CDC40: variants seen among roughly 807,000 people sequenced by gnomAD.
CDC40 encodes the protein cell division cycle 40, also known as pre-mRNA-processing factor 17.
CDC40 carries 27 observed loss-of-function variants against 80.6 expected under a neutral mutation model. The ratio of observed to expected loss-of-function variants is 0.33; its 90% CI spans 0.25 to 0.46. CDC40 has a LOEUF of 0.46. Among genes scored for constraint, CDC40 ranks in the 20% least tolerant of loss-of-function variants. CDC40 has a pLI of 1.00. For synonymous variants in CDC40, 221 were observed against 232.6 expected (o/e 0.95, Z 0.45); for missense variants, 486 against 694.1 (o/e 0.70, Z 3.37).
chr6:110,215,104 T>C (rs990582396), intron 8 of CDC40, among the ~76,000 whole-genome samples, 182 bp from the exon 9 acceptor site: 2 of 152,212 alleles, frequency 1.3e-5, no homozygotes, highest in African/African-American at 4.8e-5. Context: ...CCAAATAATA[T>C]AACACAAACT....
rs758834565 is a variant in CDC40, at chr6:110,180,427, A to C, written c.-18A>C. 5 of 1,613,742 alleles carry C rather than the reference A, an allele frequency of 3.1e-6. No homozygotes were observed. The highest frequency in any genetic ancestry group is 4.2e-6 in the Non-Finnish European group (5 of 1,179,874). Reference sequence around the variant, plus strand: ...TCTTCCGCCCTGGCAGGGTCTCCGCAGAAGATTTGTTGCCGTCATGTCGGC... The same window carrying C: ...TCTTCCGCCCTGGCAGGGTCTCCGCCGAAGATTTGTTGCCGTCATGTCGGC... On this transcript the variant is annotated 5_prime_UTR_variant, in exon 1 of 15. Transcript: ENST00000307731.
chr6:110,226,084 C>A, intron 12 of CDC40, 83 bp from the exon 13 acceptor site: 1 of 723,880 alleles, frequency 1.4e-6, no homozygotes, highest in Non-Finnish European at 2.4e-6. Context: ...CTTTTATTTG[C>A]ATATTATTCC....
In CDC40 at chr6:110,216,090, TTAGA is replaced by T. The variant is rs1166373351; in HGVS notation, c.988+763_988+766del. Among the ~76,000 whole-genome samples, 3 of 152,028 alleles carry T rather than the reference TTAGA, an allele frequency of 2.0e-5. No homozygotes were observed. The East Asian group carries it at 5.8e-4, about 29-fold the overall frequency. ...TGAGGTAAAAATGTTCAGTAAGCAA[TTAGA>T]TAGCCAGAGGTCGAGCTTTGAAGAG... On this transcript the variant is annotated intron_variant, in intron 9 of 14. Coordinates refer to ENST00000307731, the MANE Select transcript of CDC40 (RefSeq NM_015891.3).
chr6:110,229,249 T>C (rs1177672676), intron 14 of CDC40, among the ~76,000 whole-genome samples: 2 of 152,192 alleles, frequency 1.3e-5, no homozygotes, highest in African/African-American at 2.4e-5. Flanking sequence ...ATATAACCAA[T>C]GCCTTATTTT....
At chr6:110,193,595 C>T (rs543861413) in intron 2 of CDC40, among the ~76,000 whole-genome samples, 65 of 151,880 alleles carry the variant, frequency 4.3e-4, no homozygotes, top group Non-Finnish European at 7.8e-4. Context: ...TTAGTAGAGA[C>T]GGGGTTTCAC....
intron 2 of CDC40, 98 bp downstream of exon 2, chr6:110,193,366 A>T (rs1777376577): frequency 1.4e-6 from 1 of 707,222 alleles, no homozygotes; most frequent in Admixed American, 2.4e-5. Flanking sequence ...TTTATCACAT[A>T]AGCATACTAT....
At chr6:110,213,694 G>A (rs1646249943) in intron 8 of CDC40, among the ~76,000 whole-genome samples, 1 of 152,120 alleles carries the variant, frequency 6.6e-6, no homozygotes, top group South Asian at 2.1e-4. Flanking sequence ...AAATAGAGAG[G>A]ACATAGGTTA....
chr6:110,187,749 C>T (rs951286716), intron 1 of CDC40, among the ~76,000 whole-genome samples: 1 of 152,168 alleles, frequency 6.6e-6, no homozygotes, highest in Non-Finnish European at 1.5e-5. Flanking sequence ...GAATATTACC[C>T]AGTTTTATTC....
intron 2 of CDC40, among the ~76,000 whole-genome samples, chr6:110,198,781 T>G (rs994562745): frequency 2.6e-5 from 4 of 152,232 alleles, no homozygotes; most frequent in African/African-American, 9.6e-5. Context: ...TTTACTTATA[T>G]CTTGTTATAA....
In CDC40 at chr6:110,180,586, C is replaced by T. The variant is rs1777166873; in HGVS notation, c.142C>T (p.Pro48Ser). 1.2e-6 allele frequency: 2 copies of T among 1,614,222 alleles called. No homozygotes were observed. Among genetic ancestry groups the T allele is most frequent in the Non-Finnish European group, 1.7e-6 (2 of 1,180,026 alleles). ...MHLTKSPSSK[P>S]SLAVAVDSAP... Reference sequence around the variant, plus strand: ...CTTGACTAAATCGCCTTCATCAAAGCCGTCTCTAGCAGTGGCAGTGGACTC... The same window carrying T: ...CTTGACTAAATCGCCTTCATCAAAGTCGTCTCTAGCAGTGGCAGTGGACTC... Residue 48 changes from proline (P) to serine (S), a missense_variant, in exon 1 of 15, where the codon CCG (proline) becomes TCG (serine). Transcript: ENST00000307731.
intron 1 of CDC40, among the ~76,000 whole-genome samples, chr6:110,189,201 G>T (rs1451243075): frequency 2.0e-5 from 3 of 152,158 alleles, no homozygotes; most frequent in Non-Finnish European, 4.4e-5. Context: ...ATGAAATAGT[G>T]TGTCTGCTCT....
At chr6:110,186,434 GAAT>G (rs1777271339) in intron 1 of CDC40, among the ~76,000 whole-genome samples, 1 of 151,982 alleles carries the variant, frequency 6.6e-6, no homozygotes, top group South Asian at 2.1e-4. Context: ...CAGTGAGCCA[GAAT>G]CACGCCACTG....
In CDC40 at chr6:110,230,012, A is replaced by G. The variant is rs1324162969; in HGVS notation, c.1621A>G (p.Lys541Glu). The change falls in exon 15 of 15, where the codon AAA becomes GAA. Residue 541 changes from lysine (K) to glutamate (E), a missense_variant. By Grantham distance (56) the Lys-to-Glu change is moderately conservative. Around this residue, in one of 3 missense-constraint regions of CDC40, gnomAD observed 88 missense variants for 138.7 expected, o/e 0.63. Coordinates refer to ENST00000307731, the MANE Select transcript of CDC40 (RefSeq NM_015891.3). ...KLNIWDWKTTKLYSRFKAHDK... is the reference protein window; with the variant it reads ...KLNIWDWKTTELYSRFKAHDK... The stretch of plus-strand genomic sequence containing the variant: ...AAACATTTGGGACTGGAAGACCACA[A>G]AACTCTACAGTCGATTTAAAGCTCA... 4 of 1,612,654 alleles carry G rather than the reference A, an allele frequency of 2.5e-6. No homozygotes were observed. The highest frequency in any genetic ancestry group is 1.3e-5 in the African/African-American group (1 of 75,012).
At position 110,229,969 on chromosome 6, in the gene CDC40, A is replaced by C. The variant is rs1393371653; in HGVS notation, c.1578A>C (p.Gly526=). The change falls in exon 15 of 15, where the codon GGA becomes GGC. Residue 526 remains glycine (G), a synonymous_variant. Transcript: ENST00000307731. ...FSPDMSYVIS[G]DGNGKLNIWD... Reference sequence around the variant, plus strand: ...CCCATTATAGTTATGTGATTTCAGGAGATGGAAATGGAAAATTAAACATTT... The same window carrying C: ...CCCATTATAGTTATGTGATTTCAGGCGATGGAAATGGAAAATTAAACATTT... 4 of 1,603,798 alleles carry C rather than the reference A, an allele frequency of 2.5e-6. No homozygotes were observed. Among genetic ancestry groups the C allele is most frequent in the Non-Finnish European group, 3.4e-6 (4 of 1,171,566 alleles).
chr6:110,182,093 C>A (rs1486496940), intron 1 of CDC40, among the ~76,000 whole-genome samples: 4 of 152,184 alleles, frequency 2.6e-5, no homozygotes. Flanking sequence ...GACTGTAATT[C>A]AAATCCTGCC....
In CDC40 at chr6:110,187,898, A is replaced by G. The variant is rs545198155; in HGVS notation, c.190-5284A>G. On this transcript the variant is annotated intron_variant, in intron 1 of 14. Coordinates refer to ENST00000307731, the MANE Select transcript of CDC40 (RefSeq NM_015891.3). ...AATTTGTTATTCTGTGGTAATTCCA[A>G]TTGCATACCTAATTGGTATTGAATG... 2.6e-5 allele frequency among the ~76,000 whole-genome samples: 4 copies of G among 152,320 alleles called. No individual in the cohort carries two copies. The South Asian group carries it at 6.2e-4, about 24-fold the overall frequency.
At chr6:110,216,784 T>C (rs1173582707) in intron 9 of CDC40, among the ~76,000 whole-genome samples, 5 of 152,222 alleles carry the variant, frequency 3.3e-5, no homozygotes, top group African/African-American at 1.2e-4. Context: ...TTAGCCACAT[T>C]TTATTTTTCC....
In CDC40 at chr6:110,228,953, G is replaced by A. The variant is rs768701800; in HGVS notation, c.1539G>A (p.Gln513=). The change falls in exon 14 of 15, where the codon CAG becomes CAA. Residue 513 remains glutamine, a synonymous_variant. Transcript: ENST00000307731. ...KGHMVAGYAC[Q]VDFSPDMSYV... ...ATATGGTAGCAGGCTATGCTTGTCA[G>A]GTGGACTTTTCACCAGACATGAGGT... The A allele has an allele frequency of 2.5e-6, 4 of 1,604,174 alleles. No homozygotes were observed. The highest frequency in any genetic ancestry group is 2.3e-5 in the South Asian group (2 of 88,062).
At chr6:110,185,670 A>G (rs1777259633) in intron 1 of CDC40, among the ~76,000 whole-genome samples, 1 of 152,216 alleles carries the variant, frequency 6.6e-6, no homozygotes, top group Admixed American at 6.5e-5. Flanking sequence ...TTGTTACTGT[A>G]TTCTCTGACC....
Sources: allele counts gnomAD v4.1 joint callset (sites outside exome capture counted in the v4.1 genomes callset), GRCh38; gene constraint gnomAD v4.1.1; regional missense constraint gnomAD v4.1.1; transcripts MANE v1.5; gene names NCBI Gene and HGNC (gene_info 2026-07-23, HGNC 2026-07-21).